Variants in RIOK2 observed in about 807,000 individuals in gnomAD.
The protein encoded by RIOK2 is RIO kinase 2.
A neutral mutation model predicts 62.4 loss-of-function variants in RIOK2; 46 were observed. That is an observed-to-expected ratio of 0.74 (90% CI 0.58 to 0.94). The LOEUF (loss-of-function observed/expected upper bound fraction) is 0.94. RIOK2 is among the 40% of genes least tolerant of loss of function. The pLI is 0.00. For missense variants in RIOK2, 574 were observed against 658.0 expected (o/e 0.87, Z 1.40); for synonymous variants, 197 against 216.0 (o/e 0.91, Z 0.77).
At position 97,165,090 on chromosome 5, in the gene RIOK2, A is replaced by T; in HGVS notation, c.1455T>A (p.Thr485=). Residue 485 remains threonine (T), a synonymous_variant, in exon 9 of 10, where the codon ACT becomes ACA. Transcript: ENST00000283109. ...NQYRTRTLSI[T]SSGSAVSCST... is the part of the protein sequence containing the mutation. ...AACAGCTTACAGCACTGCCTGAAGA[A>T]GTGATACTCAGAGTTCTTGTTCTAT... 1 of 1,587,296 alleles carries T rather than the reference A, an allele frequency of 6.3e-7. No individual in the cohort carries two copies. Among genetic ancestry groups the T allele is most frequent in the Non-Finnish European group, 8.6e-7 (1 of 1,167,224 alleles).
Position 97,168,915 on chromosome 5 carries a change from A to G in RIOK2, c.780-63T>C, listed in dbSNP as rs982365133. ...TGCTCCTCTTTTTCCTTATTAGCCA[A>G]TGACAATATACTTATTGGTTAATGG... On this transcript the variant is annotated intron_variant, in intron 6 of 9. Coordinates refer to ENST00000283109, the MANE Select transcript of RIOK2 (RefSeq NM_018343.3). The G allele has an allele frequency of 2.2e-5, 21 of 943,934 alleles. No homozygotes were observed. The African/African-American group carries it at 3.0e-4, about 13-fold the overall frequency. The allele number at this position is 943,934 out of a possible 1,614,324, so 58.5% of individuals were successfully genotyped here. A position where few individuals can be genotyped will look rare whatever the true frequency, so the allele number is the denominator to read the frequency against.
chr5:97,173,163 A>T lies in RIOK2; in HGVS notation c.587+12T>A, dbSNP rs1396131921. ...ATCAGGATTCATGGCTTTAAGAATA[A>T]TGAATACTTACAGTGGATAACCATT... On this transcript the variant is annotated intron_variant, in intron 5 of 9. Coordinates refer to ENST00000283109, the MANE Select transcript of RIOK2 (RefSeq NM_018343.3). The T allele has an allele frequency of 2.6e-6, 4 of 1,560,056 alleles. No individual in the cohort carries two copies. In the South Asian group the frequency reaches 3.4e-5, roughly 13 times the overall value.
chr5:97,168,626 A>C (rs958530733), intron 7 of RIOK2, 134 bp downstream of exon 7: 2 of 502,714 alleles, frequency 4.0e-6, no homozygotes, highest in Admixed American at 3.7e-5. Context: ...GTTATGTACT[A>C]CAGAGCAATG....
At position 97,165,045 on chromosome 5, in the gene RIOK2, A is replaced by G. The variant is rs1748808085; in HGVS notation, c.1494+6T>C. 2.5e-6 allele frequency: 4 copies of G among 1,576,392 alleles called. No homozygotes were observed. Among genetic ancestry groups the G allele is most frequent in the Non-Finnish European group, 2.6e-6 (3 of 1,153,502 alleles). On this transcript the variant is annotated splice_donor_region_variant and intron_variant, in intron 9 of 9. Transcript: ENST00000283109. ...AACATTCAGTACATGTTGAATGACTACTTACTGGAGGAATTGTTGAACAGC... is the reference window on the plus strand; with the variant it reads ...AACATTCAGTACATGTTGAATGACTGCTTACTGGAGGAATTGTTGAACAGC...
intron 1 of RIOK2, among the ~76,000 whole-genome samples, chr5:97,179,446 G>A (rs1394543356): frequency 6.6e-6 from 1 of 152,110 alleles, no homozygotes; most frequent in Non-Finnish European, 1.5e-5. Context: ...TTTGGTCAAT[G>A]CTAAAATACT....
chr5:97,177,942 G>T, intron 2 of RIOK2, 94 bp from the exon 3 acceptor site: 2 of 741,294 alleles, frequency 2.7e-6, no homozygotes, highest in Non-Finnish European at 4.5e-6. Flanking sequence ...TAACAATAAA[G>T]TCTTCATTGG....
Position 97,177,183 on chromosome 5 carries a change from T to C in RIOK2, c.431A>G (p.His144Arg), listed in dbSNP as rs35165987. The C allele has an allele frequency of 2.6e-3, 4,182 of 1,613,488 alleles. 106 individuals are homozygous for C. The African/African-American group carries it at 0.051, about 20-fold the overall frequency. ...NLKNKRDYHK[H>R]RHNVSWLYLS... Reference sequence around the variant, plus strand: ...ATATAGCCATGACACATTGTGCCTATGTTTATGATAATCGCGTTTGTTTTT... The same window carrying C: ...ATATAGCCATGACACATTGTGCCTACGTTTATGATAATCGCGTTTGTTTTT... Residue 144 changes from histidine to arginine, a missense_variant, in exon 4 of 10, where the codon CAT becomes CGT. Coordinates refer to ENST00000283109, the MANE Select transcript of RIOK2 (RefSeq NM_018343.3).
At chr5:97,163,326 G>C in intron 9 of RIOK2, 101 bp from the exon 10 acceptor site, 2 of 955,910 alleles carry the variant, frequency 2.1e-6, no homozygotes, top group Non-Finnish European at 3.2e-6. Flanking sequence ...TGAATTTTAA[G>C]ATTCCAAACA....
chr5:97,175,382 G>A (rs988359121), intron 4 of RIOK2, among the ~76,000 whole-genome samples: 6 of 152,084 alleles, frequency 3.9e-5, no homozygotes, highest in Admixed American at 2.0e-4. Context: ...TTGTGCTATC[G>A]CCTAGACCTC....
At chr5:97,170,553 T>C (rs2112832175) in intron 6 of RIOK2, among the ~76,000 whole-genome samples, 1 of 152,110 alleles carries the variant, frequency 6.6e-6, no homozygotes, top group East Asian at 1.9e-4. Flanking sequence ...GGTTCTAGAG[T>C]TCCCCACTAC....
intron 4 of RIOK2, among the ~76,000 whole-genome samples, chr5:97,175,049 C>T (rs1291690545): frequency 6.7e-6 from 1 of 148,352 alleles, no homozygotes; most frequent in Non-Finnish European, 1.5e-5. Flanking sequence ...CAGAGTGAGA[C>T]CTTGTCTTGA....
chr5:97,177,699 G>C (rs375403453), intron 3 of RIOK2, 33 bp downstream of exon 3: 2 of 1,295,332 alleles, frequency 1.5e-6, no homozygotes, highest in Non-Finnish European at 2.2e-6. Context: ...CTAAAGCAAA[G>C]AAAATACTTT....
At position 97,168,860 on chromosome 5, in the gene RIOK2, A is replaced by G; in HGVS notation, c.780-8T>C. On this transcript the variant is annotated splice_polypyrimidine_tract_variant and splice_region_variant and intron_variant, in intron 6 of 9. Transcript: ENST00000283109. ...ACATCTCTGTCAAAATACCTGCAAA[A>G]GCAAGAATCATTTATGATATAGTCT... 1 of 1,531,052 alleles carries G rather than the reference A, an allele frequency of 6.5e-7. No individual in the cohort carries two copies. Among genetic ancestry groups the G allele is most frequent in the Non-Finnish European group, 8.9e-7 (1 of 1,122,124 alleles). The allele number at this position is 1,531,052 out of a possible 1,614,324, so 94.8% of individuals were successfully genotyped here.
Position 97,180,126 on chromosome 5 carries a change from GTATATATATATATA to G in RIOK2, c.67-947_67-934del, listed in dbSNP as rs1339692700. Among the ~76,000 whole-genome samples, 5 of 30,786 alleles carry G rather than the reference GTATATATATATATA, an allele frequency of 1.6e-4. No homozygotes were observed. The Admixed American group carries it at 2.0e-3, about 12-fold the overall frequency. The allele number at this position is 30,786 out of a possible 152,430, so 20.2% of individuals were successfully genotyped here. A position where few individuals can be genotyped will look rare whatever the true frequency, so the allele number is the denominator to read the frequency against. ...TACATGCTCTTCTGCATGTGTATAT[GTATATATATATATA>G]TGTATATATATATATATATATGTGC... On this transcript the variant is annotated intron_variant, in intron 1 of 9. Coordinates refer to ENST00000283109, the MANE Select transcript of RIOK2 (RefSeq NM_018343.3).
intron 1 of RIOK2, 79 bp from the exon 2 acceptor site, chr5:97,179,272 CT>C (rs1749268692): frequency 2.9e-6 from 4 of 1,403,298 alleles, no homozygotes; most frequent in Non-Finnish European, 3.9e-6. Context: ...TTAACTTCTC[CT>C]TGAAGCTTTC....
intron 4 of RIOK2, chr5:97,176,908 T>C: frequency 2.0e-6 from 1 of 499,872 alleles, no homozygotes; most frequent in South Asian, 2.4e-5. Flanking sequence ...TATGCATTAG[T>C]AACAATTTAA....
rs1749188985 is a variant in RIOK2, at chr5:97,177,144, G to A, written c.470C>T (p.Ser157Phe). ...NVSWLYLSRL[S>F]AMKEFAYMKA... Reference sequence around the variant, plus strand: ...CATATAGGCAAATTCCTTCATGGCAGAGAGACGAGATAAATATAGCCATGA... The same window carrying A: ...CATATAGGCAAATTCCTTCATGGCAAAGAGACGAGATAAATATAGCCATGA... The change falls in exon 4 of 10, where the codon TCT becomes TTT. Residue 157 changes from serine (S) to phenylalanine (F), a missense_variant. Coordinates refer to ENST00000283109, the MANE Select transcript of RIOK2 (RefSeq NM_018343.3). 1.2e-6 allele frequency: 2 copies of A among 1,612,046 alleles called. No homozygotes were observed. Among genetic ancestry groups the A allele is most frequent in the South Asian group, 2.2e-5 (2 of 90,852 alleles).
At chr5:97,178,350 GCTCTTCTA>G (rs372747754) in intron 2 of RIOK2, among the ~76,000 whole-genome samples, 403 of 4,770 alleles carry the variant, frequency 0.084, 3 homozygotes, top group Non-Finnish European at 0.15. Flanking sequence ...TGCTCTTCAT[GCTCTTCTA>G]CAGTACCTAC....
At chr5:97,176,266 T>C (rs1749159742) in intron 4 of RIOK2, among the ~76,000 whole-genome samples, 1 of 152,230 alleles carries the variant, frequency 6.6e-6, no homozygotes, top group Admixed American at 6.5e-5. Flanking sequence ...AAACATTGAA[T>C]GTATTCCTTC....
Sources: allele counts gnomAD v4.1 joint callset (sites outside exome capture counted in the v4.1 genomes callset), GRCh38; gene constraint gnomAD v4.1.1; transcripts MANE v1.5; gene names NCBI Gene and HGNC (gene_info 2026-07-23, HGNC 2026-07-21).